KIAA1549: variants seen among roughly 807,000 people sequenced by gnomAD.
KIAA1549 encodes the protein KIAA1549.
In KIAA1549, 70 loss-of-function variants were observed where a neutral mutation model predicts 156.4. That is an observed-to-expected ratio of 0.45 (90% confidence interval 0.37 to 0.55). The LOEUF (loss-of-function observed/expected upper bound fraction) is 0.55, where lower values mean the gene tolerates loss of function less well. Ranked by LOEUF, KIAA1549 falls within the 20% of genes least tolerant of loss-of-function variation. The probability of loss-of-function intolerance (pLI) is 0.00; values close to 1 mark genes in which losing one functional copy is unlikely to be tolerated. For synonymous variants in KIAA1549, 1,103 were observed against 1,066.4 expected, an observed-to-expected ratio of 1.03 and a Z score of -0.67; for missense variants, 2,428 against 2,540.9, an observed-to-expected ratio of 0.96 and a Z score of 0.96.
chr7:138,844,788 G>T (rs530098762), intron 17 of KIAA1549, among the ~76,000 whole-genome samples: 1 of 151,824 alleles, frequency 6.6e-6, no homozygotes, highest in Non-Finnish European at 1.5e-5. Context: ...TGCATCACCT[G>T]GCGGGCCCGA....
chr7:138,896,752 T>G (rs886840435), intron 9 of KIAA1549, among the ~76,000 whole-genome samples: 8 of 151,670 alleles, frequency 5.3e-5, no homozygotes, highest in African/African-American at 1.9e-4. Flanking sequence ...TGCCCCACCA[T>G]GCCCAGCTAG....
rs1460623352 is a variant in KIAA1549 at position 138,869,552 on chromosome 7, T to C, written c.4761A>G (p.Ile1587Met). The change falls in exon 14 of 20, where the codon ATA (isoleucine) becomes ATG (methionine). Residue 1587 changes from isoleucine to methionine, a missense_variant. Physicochemically the swap from Ile to Met is conservative, Grantham distance 10. Transcript: ENST00000422774. Reference protein sequence around the residue: ...DPTASVPSVFIEPRKSSRIKR... With the variant: ...DPTASVPSVFMEPRKSSRIKR... ...CCCCAGCCCACCTCTTCCTGGGCTCTATGAACACGGAGGGCACGCTGGCCG... is the reference window on the plus strand; with the variant it reads ...CCCCAGCCCACCTCTTCCTGGGCTCCATGAACACGGAGGGCACGCTGGCCG... 1.9e-6 allele frequency: 3 copies of C among 1,571,714 alleles called. No individual in the cohort carries two copies. The highest frequency in any genetic ancestry group is 2.6e-6 in the Non-Finnish European group (3 of 1,159,594).
rs370194290 is a variant in KIAA1549 at position 138,838,014 on chromosome 7, C to T, written c.5745G>A (p.Thr1915=). 6.8e-6 allele frequency: 11 copies of T among 1,610,808 alleles called. No homozygotes were observed. Among genetic ancestry groups the T allele is most frequent in the East Asian group, 2.2e-5 (1 of 44,782 alleles). The change falls in exon 20 of 20, where the codon ACG becomes ACA. Residue 1915 remains threonine, a synonymous_variant. Transcript: ENST00000422774. ...AGGAGTGGCCAGGCTGGAGGTCTTC[C>T]GTGGAGCTGGTGGGGTAACCCAGCC... ...GPGLGYPTSS[T]EDLQPGHSSA...
chr7:138,917,606 C>A lies in KIAA1549; in HGVS notation c.2020G>T (p.Asp674Tyr). 6.2e-7 allele frequency: 1 copy of A among 1,613,834 alleles called. No homozygotes were observed. The highest frequency in any genetic ancestry group is 1.1e-5 in the South Asian group (1 of 91,030). The change falls in exon 2 of 20, where the codon GAC becomes TAC. Residue 674 changes from aspartate (D) to tyrosine (Y), a missense_variant. This residue lies in a region of KIAA1549 where 762 missense variants were observed against 901.6 expected (regional missense o/e 0.85). Transcript: ENST00000422774. ...SPLVETFTLF[D>Y]SSDLQSSQLS... is the part of the protein sequence containing the mutation. ...TGAGATGACTGCAGATCACTAGAGT[C>A]AAACAATGTAAATGTCTCAACCAAG... is the stretch of plus-strand genomic sequence containing the variant.
intron 1 of KIAA1549, among the ~76,000 whole-genome samples, chr7:138,920,906 C>T (rs1812547220): frequency 6.6e-6 from 1 of 152,194 alleles, no homozygotes; most frequent in Non-Finnish European, 1.5e-5. Flanking sequence ...TACTTCAGAA[C>T]ATTTAAGATT....
rs114702054 is a variant in KIAA1549, at chr7:138,892,947, T to C, written c.4032+1395A>G. On this transcript the variant is annotated intron_variant, in intron 10 of 19. Transcript: ENST00000422774. Reference sequence around the variant, plus strand: ...CTGGGAGACCCACGGAAAGTGCATGTTAATCCAGCAGACTGTTAGTAACAG... The same window carrying C: ...CTGGGAGACCCACGGAAAGTGCATGCTAATCCAGCAGACTGTTAGTAACAG... Among the ~76,000 whole-genome samples, 989 of 152,316 alleles carry C rather than the reference T, an allele frequency of 6.5e-3. 13 individuals carry two copies. Among genetic ancestry groups the C allele is most frequent in the African/African-American group, 0.023 (952 of 41,560 alleles).
intron 2 of KIAA1549, among the ~76,000 whole-genome samples, chr7:138,916,049 A>T (rs1454147674): frequency 1.3e-5 from 2 of 152,226 alleles, no homozygotes; most frequent in Non-Finnish European, 2.9e-5. Context: ...CTGATACTGG[A>T]TTCAGAGGAT....
intron 1 of KIAA1549, among the ~76,000 whole-genome samples, chr7:138,972,844 T>TA (rs2130574674): frequency 6.6e-6 from 1 of 152,284 alleles, no homozygotes; most frequent in East Asian, 1.9e-4. Flanking sequence ...GTTTTTGAGA[T>TA]AGAGTGTCGC....
chr7:138,908,088 A>C (rs1191569366), intron 5 of KIAA1549, among the ~76,000 whole-genome samples: 2 of 152,184 alleles, frequency 1.3e-5, no homozygotes, highest in African/African-American at 4.8e-5. Flanking sequence ...AGATCCCCAC[A>C]GCTCAAGGGG....
intron 1 of KIAA1549, among the ~76,000 whole-genome samples, chr7:138,930,316 T>C (rs1812834883): frequency 6.6e-6 from 1 of 152,128 alleles, no homozygotes; most frequent in Non-Finnish European, 1.5e-5. Context: ...TTCAGAATGG[T>C]CCATGAGCAC....
At chr7:138,881,354 C>T in intron 11 of KIAA1549, 34 bp downstream of exon 11, 4 of 1,587,068 alleles carry the variant, frequency 2.5e-6, no homozygotes, top group South Asian at 1.1e-5. Context: ...GCATGCTCTG[C>T]AACAAAGAAT....
chr7:138,908,640 C>A (rs1317924846), intron 5 of KIAA1549, among the ~76,000 whole-genome samples: 2 of 152,040 alleles, frequency 1.3e-5, no homozygotes, highest in African/African-American at 2.4e-5. Flanking sequence ...CGTACAACAC[C>A]CGTTCTTAGT....
chr7:138,927,107 C>T (rs1258524719), intron 1 of KIAA1549, among the ~76,000 whole-genome samples: 3 of 152,118 alleles, frequency 2.0e-5, no homozygotes, highest in African/African-American at 7.2e-5. Context: ...TATTTCTCTC[C>T]GTATTGGTTT....
intron 11 of KIAA1549, among the ~76,000 whole-genome samples, chr7:138,879,857 TA>T (rs1013533850): frequency 6.6e-6 from 1 of 152,202 alleles, no homozygotes; most frequent in African/African-American, 2.4e-5. Flanking sequence ...CACGGCTTAC[TA>T]AATGGCTCAG....
intron 15 of KIAA1549, among the ~76,000 whole-genome samples, chr7:138,863,865 C>A (rs1428103521): frequency 6.6e-6 from 1 of 152,174 alleles, no homozygotes; most frequent in Non-Finnish European, 1.5e-5. Context: ...ACTGAGGAAT[C>A]CTAATTGAGA....
intron 1 of KIAA1549, among the ~76,000 whole-genome samples, chr7:138,952,561 T>G (rs1251739930): frequency 6.6e-6 from 1 of 152,192 alleles, no homozygotes; most frequent in Non-Finnish European, 1.5e-5. Context: ...CTCTACACAG[T>G]AGGAGCTGTG....
chr7:138,951,086 A>AT (rs1331117755), intron 1 of KIAA1549, among the ~76,000 whole-genome samples: 1 of 151,118 alleles, frequency 6.6e-6, no homozygotes, highest in Non-Finnish European at 1.5e-5. Flanking sequence ...TTGTTTTGAG[A>AT]TAAGAGTCTT....
At chr7:138,973,335 G>A (rs956956978) in intron 1 of KIAA1549, among the ~76,000 whole-genome samples, 3 of 149,732 alleles carry the variant, frequency 2.0e-5, no homozygotes, top group African/African-American at 7.7e-5. Flanking sequence ...GCTTGACCAT[G>A]AGTTGGGTTT....
At chr7:138,962,145 A>C (rs1238101914) in intron 1 of KIAA1549, among the ~76,000 whole-genome samples, 1 of 152,210 alleles carries the variant, frequency 6.6e-6, no homozygotes, top group Non-Finnish European at 1.5e-5. Flanking sequence ...TCAGGATTAC[A>C]TGGCTTAATA....
Sources: allele counts gnomAD v4.1 joint callset (sites outside exome capture counted in the v4.1 genomes callset), GRCh38; gene constraint gnomAD v4.1.1; regional missense constraint gnomAD v4.1.1; transcripts MANE v1.5; gene names NCBI Gene and HGNC (gene_info 2026-07-23, HGNC 2026-07-21).